Variants in NIBAN1 observed in about 807,000 individuals in gnomAD.
NIBAN1 encodes protein Niban 1.
Under a neutral mutation model 75.1 loss-of-function variants are expected in NIBAN1, and 81 were observed. The ratio of observed to expected loss-of-function variants is 1.08; its 90% CI spans 0.90 to 1.30. NIBAN1 has a LOEUF of 1.30. Ranked by LOEUF, NIBAN1 falls within the 50% of genes most tolerant of loss-of-function variation. NIBAN1 has a pLI of 0.00. For missense variants in NIBAN1, 1,133 were observed against 1,128.1 expected, an observed-to-expected ratio of 1.00 and a Z score of -0.06; for synonymous variants, 436 against 424.8, an observed-to-expected ratio of 1.03 and a Z score of -0.32.
chr1:184,815,421 C>T (rs1654499496), intron 9 of NIBAN1, among the ~76,000 whole-genome samples: 1 of 152,142 alleles, frequency 6.6e-6, no homozygotes, highest in South Asian at 2.1e-4. Context: ...CCTTCACACT[C>T]CTGGAACTGT....
At chr1:184,890,058 A>G in intron 4 of NIBAN1, 50 bp downstream of exon 4, 2 of 1,387,658 alleles carry the variant, frequency 1.4e-6, no homozygotes, top group Non-Finnish European at 2.0e-6. Context: ...CTCCAGCTAA[A>G]CAAAGAAGCT....
At chr1:184,872,415 TAAC>T (rs1285603356) in intron 5 of NIBAN1, among the ~76,000 whole-genome samples, 1 of 151,960 alleles carries the variant, frequency 6.6e-6, no homozygotes, top group Non-Finnish European at 1.5e-5. Flanking sequence ...AATTAAAAGT[TAAC>T]AAGTAGGCTG....
intron 1 of NIBAN1, among the ~76,000 whole-genome samples, chr1:184,938,033 T>A (rs779011659): frequency 2.0e-5 from 3 of 151,964 alleles, no homozygotes; most frequent in Non-Finnish European, 4.4e-5. Flanking sequence ...GATGAGGTGA[T>A]TGGAAAGAAG....
Position 184,944,832 on chromosome 1 carries a change from G to A in NIBAN1, c.55+29470C>T, listed in dbSNP as rs145820730. ...CCAGAGCATGGGAACTTGAGAATAA[G>A]GTGGTAAATACAATCTCATAATAAT... On this transcript the variant is annotated intron_variant, in intron 1 of 13. Transcript: ENST00000367511. Among the ~76,000 whole-genome samples, 1,134 of 152,278 alleles carry A rather than the reference G, an allele frequency of 7.4e-3. 7 individuals are homozygous for A. The highest frequency in any genetic ancestry group is 0.012 in the Non-Finnish European group (792 of 68,026).
chr1:184,887,787 C>T (rs1444634313), intron 4 of NIBAN1: 1 of 152,192 alleles, frequency 6.6e-6, no homozygotes, highest in Admixed American at 6.5e-5. Flanking sequence ...AAATGAGATT[C>T]TAACCAGTAA....
chr1:184,800,956 A>G (rs576387920), intron 12 of NIBAN1, among the ~76,000 whole-genome samples: 4 of 152,298 alleles, frequency 2.6e-5, no homozygotes, highest in African/African-American at 9.6e-5. Flanking sequence ...TAGCTCAGGC[A>G]TGGTGCATCC....
intron 1 of NIBAN1, among the ~76,000 whole-genome samples, chr1:184,932,836 C>G (rs1657860240): frequency 6.6e-6 from 1 of 152,148 alleles, no homozygotes; most frequent in East Asian, 1.9e-4. Context: ...CTTGTTAGTG[C>G]CAGTCTCTCT....
chr1:184,831,817 G>C (rs141795066), intron 6 of NIBAN1, 30 bp downstream of exon 6: 2 of 1,537,478 alleles, frequency 1.3e-6, no homozygotes, highest in African/African-American at 1.4e-5. Flanking sequence ...CAAACACAGA[G>C]AGAATCCAAA....
At chr1:184,945,449 G>C (rs569162000) in intron 1 of NIBAN1, among the ~76,000 whole-genome samples, 1 of 152,140 alleles carries the variant, frequency 6.6e-6, no homozygotes, top group Non-Finnish European at 1.5e-5. Flanking sequence ...GATCTAGATG[G>C]ATTCTGTCAT....
intron 1 of NIBAN1, among the ~76,000 whole-genome samples, chr1:184,946,704 C>G (rs896700013): frequency 6.6e-6 from 1 of 151,888 alleles, no homozygotes; most frequent in Non-Finnish European, 1.5e-5. Context: ...ACTAGAATAC[C>G]TGCTATTGGG....
intron 9 of NIBAN1, among the ~76,000 whole-genome samples, chr1:184,816,552 G>T (rs1347960792): frequency 6.6e-6 from 1 of 152,130 alleles, no homozygotes; most frequent in East Asian, 1.9e-4. Flanking sequence ...CATGCACTAG[G>T]CCCCAACAAA....
intron 1 of NIBAN1, among the ~76,000 whole-genome samples, chr1:184,970,136 C>T (rs1658898933): frequency 1.4e-5 from 2 of 145,624 alleles, no homozygotes; most frequent in African/African-American, 5.2e-5. Flanking sequence ...TCCCACTGCA[C>T]TCTAGTCTGG....
chr1:184,823,611 C>T, intron 7 of NIBAN1, 27 bp downstream of exon 7: 1 of 1,607,056 alleles, frequency 6.2e-7, no homozygotes, highest in Non-Finnish European at 8.5e-7. Context: ...TTGAGTAGCT[C>T]AGTTGTAGAG....
chr1:184,910,775 AG>A (rs111715217), intron 1 of NIBAN1, among the ~76,000 whole-genome samples: 65 of 152,300 alleles, frequency 4.3e-4, no homozygotes, highest in African/African-American at 1.5e-3. Context: ...GACTGAGTAA[AG>A]CCGATTGGGC....
chr1:184,823,099 T>G, intron 8 of NIBAN1, 68 bp downstream of exon 8: 2 of 1,537,710 alleles, frequency 1.3e-6, no homozygotes, highest in Non-Finnish European at 1.8e-6. Context: ...CATGCATTCC[T>G]GCTATGTGGT....
chr1:184,840,219 A>G (rs626576), intron 5 of NIBAN1, among the ~76,000 whole-genome samples: 92,062 of 152,068 alleles, frequency 0.61, 28,540 homozygotes, highest in African/African-American at 0.74. Context: ...AATTCTTACG[A>G]GAACCAGCCC....
intron 8 of NIBAN1, among the ~76,000 whole-genome samples, chr1:184,822,803 G>A (rs958897567): frequency 1.3e-5 from 2 of 152,214 alleles, no homozygotes; most frequent in African/African-American, 4.8e-5. Context: ...GGGTGTACTT[G>A]AGTAAACCAG....
intron 5 of NIBAN1, among the ~76,000 whole-genome samples, chr1:184,875,945 G>A (rs563216697): frequency 6.6e-6 from 1 of 152,174 alleles, no homozygotes; most frequent in African/African-American, 2.4e-5. Context: ...AGGCCAAGGC[G>A]GGTGGATCAC....
chr1:184,853,157 C>G (rs1655590054), intron 5 of NIBAN1, among the ~76,000 whole-genome samples: 1 of 151,968 alleles, frequency 6.6e-6, no homozygotes, highest in Admixed American at 6.6e-5. Flanking sequence ...CTTCCTAAAC[C>G]CCTTAATTTA....
Sources: gnomAD v4.1 joint callset for allele counts (sites outside exome capture counted in the v4.1 genomes callset) on GRCh38, gnomAD v4.1.1 for gene constraint, MANE v1.5 for transcripts, NCBI Gene and HGNC (gene_info 2026-07-23, HGNC 2026-07-21) for gene names.